ABCB1: variants seen among roughly 807,000 people sequenced by gnomAD.
ABCB1 encodes the protein ATP binding cassette subfamily B member 1.
ABCB1 carries 69 observed loss-of-function variants against 142.0 expected under a neutral mutation model. The ratio of observed to expected loss-of-function variants is 0.49; its 90% CI spans 0.40 to 0.59. ABCB1 has a LOEUF of 0.59. Ranked by LOEUF, ABCB1 falls within the 20% of genes least tolerant of loss-of-function variation. ABCB1 has a pLI of 0.00. For synonymous variants in ABCB1, 532 were observed against 539.2 expected, an observed-to-expected ratio of 0.99 and a Z score of 0.18; for missense variants, 1,326 against 1,554.7, an observed-to-expected ratio of 0.85 and a Z score of 2.47.
intron 1 of ABCB1, among the ~76,000 whole-genome samples, chr7:87,624,986 G>A (rs1820355463): frequency 6.6e-6 from 1 of 152,234 alleles, no homozygotes; most frequent in Non-Finnish European, 1.5e-5. Flanking sequence ...GCTGGGCGCG[G>A]CGGCTCACGC....
chr7:87,626,187 G>C (rs536313938), intron 1 of ABCB1, among the ~76,000 whole-genome samples: 9 of 114,854 alleles, frequency 7.8e-5, no homozygotes, highest in Non-Finnish European at 1.5e-4. Flanking sequence ...TCATATATAT[G>C]TGTCATATAT....
intron 18 of ABCB1, among the ~76,000 whole-genome samples, chr7:87,540,062 C>A (rs1286369590): frequency 6.6e-6 from 1 of 152,186 alleles, no homozygotes; most frequent in Non-Finnish European, 1.5e-5. Context: ...TGTAAGTACT[C>A]AGTAAAGAAA....
chr7:87,676,993 T>A (rs896903864), intron 1 of ABCB1, among the ~76,000 whole-genome samples: 2 of 151,998 alleles, frequency 1.3e-5, no homozygotes. Flanking sequence ...TTGGCAAGGA[T>A]GTGGAGAAAA....
At chr7:87,526,797 T>A (rs1815800985) in intron 21 of ABCB1, among the ~76,000 whole-genome samples, 1 of 152,160 alleles carries the variant, frequency 6.6e-6, no homozygotes, top group Admixed American at 6.5e-5. Flanking sequence ...ACCAAAATAC[T>A]GGCAGCTGAG....
intron 9 of ABCB1, among the ~76,000 whole-genome samples, chr7:87,551,648 A>C (rs1313685414): frequency 7.0e-6 from 1 of 142,728 alleles, no homozygotes; most frequent in Non-Finnish European, 1.6e-5. Context: ...GTGCCACCAT[A>C]TCTGGCTAAT....
rs189768807 is a variant in ABCB1, at chr7:87,613,206, A to T, written c.-330-12128T>A. 1.5e-3 allele frequency among the ~76,000 whole-genome samples: 220 copies of T among 143,242 alleles called. 1 individual carries two copies. The highest frequency in any genetic ancestry group is 2.5e-3 in the Admixed American group (36 of 14,272). The allele number at this position is 143,242 out of a possible 152,430, so 94.0% of individuals were successfully genotyped here. On this transcript the variant is annotated intron_variant, in intron 1 of 28. Coordinates refer to the ABCB1 transcript ENST00000265724. ...GGTTTTCTAGGCATAAGACCATATC[A>T]TTGATGAGATAATTTGGCTTCCTCT... is the stretch of plus-strand genomic sequence containing the variant.
intron 1 of ABCB1, among the ~76,000 whole-genome samples, chr7:87,665,556 T>C (rs1013645499): frequency 3.3e-5 from 5 of 152,132 alleles, no homozygotes; most frequent in Admixed American, 6.6e-5. Flanking sequence ...TTTTAAACTT[T>C]TATGTTCAAG....
At chr7:87,574,225 T>C (rs898319356) in intron 4 of ABCB1, among the ~76,000 whole-genome samples, 1 of 152,054 alleles carries the variant, frequency 6.6e-6, no homozygotes, top group Non-Finnish European at 1.5e-5. Flanking sequence ...AGGAACAGAA[T>C]GACATCAAAG....
intron 1 of ABCB1, among the ~76,000 whole-genome samples, chr7:87,609,720 T>TC (rs1208888022): frequency 1.3e-5 from 2 of 152,164 alleles, no homozygotes; most frequent in Non-Finnish European, 2.9e-5. Flanking sequence ...TAATGATCAT[T>TC]CTTCAGGATC....
At chr7:87,628,592 T>TGC in intron 1 of ABCB1, 2 of 96,476 alleles carry the variant, frequency 2.1e-5, no homozygotes, top group Admixed American at 1.5e-4. Flanking sequence ...TGCGTGTGTG[T>TGC]GTGTGTGTGT....
chr7:87,538,161 A>G (rs111538144), intron 19 of ABCB1, among the ~76,000 whole-genome samples: 48 of 152,356 alleles, frequency 3.2e-4, no homozygotes, highest in African/African-American at 1.1e-3. Flanking sequence ...ACAAACCATC[A>G]GCTCAGCTGC....
Position 87,544,223 on chromosome 7 carries a change from G to T in ABCB1, c.2117C>A (p.Thr706Asn), listed in dbSNP as rs773899676. ...ACCAACAACAAAATAAGGCCATTCA[G>T]TTAAATTTAGCTTCATAATCCTCCA... is the stretch of plus-strand genomic sequence containing the variant. ...SFWRIMKLNLTEWPYFVVGVF... is the reference protein window; with the variant it reads ...SFWRIMKLNLNEWPYFVVGVF... The change falls in exon 17 of 28, where the codon ACT (threonine) becomes AAT (asparagine). Residue 706 changes from threonine to asparagine, a missense_variant. Coordinates refer to ENST00000622132, the MANE Select transcript of ABCB1 (RefSeq NM_001348946.2). The T allele has an allele frequency of 5.6e-6, 9 of 1,613,726 alleles. No individual in the cohort carries two copies. Among genetic ancestry groups the T allele is most frequent in the Admixed American group, 3.3e-5 (2 of 60,014 alleles).
chr7:87,539,241 C>G (rs1584859774), intron 19 of ABCB1, 27 bp downstream of exon 19: 1 of 1,610,906 alleles, frequency 6.2e-7, no homozygotes, highest in African/African-American at 1.3e-5. Context: ...TCTACACATC[C>G]CAGGGCACAG....
chr7:87,642,403 T>C (rs558624646), intron 1 of ABCB1, among the ~76,000 whole-genome samples: 1 of 152,222 alleles, frequency 6.6e-6, no homozygotes, highest in Admixed American at 6.5e-5. Context: ...TGTTAAAGTA[T>C]TCTATTTGAA....
chr7:87,662,610 A>G (rs1585034435), intron 1 of ABCB1, among the ~76,000 whole-genome samples: 1 of 152,136 alleles, frequency 6.6e-6, no homozygotes, highest in African/African-American at 2.4e-5. Context: ...CCATTGGTCT[A>G]TGTATCTCTT....
In ABCB1 at chr7:87,519,103, T is replaced by C. The variant is rs555779862; in HGVS notation, c.2927+223A>G. ...CCACTCAGTCACAGATTTGAAAAGG[T>C]CAACTATGTGTGAGCCAGCAATGAG... is the stretch of plus-strand genomic sequence containing the variant. On this transcript the variant is annotated intron_variant, in intron 23 of 27. Coordinates refer to ENST00000622132, the MANE Select transcript of ABCB1 (RefSeq NM_001348946.2). 5.5e-4 allele frequency: 324 copies of C among 585,544 alleles called. 4 individuals carry two copies. Among genetic ancestry groups the C allele is most frequent in the East Asian group, 5.0e-3 (173 of 34,806 alleles). The allele number at this position is 585,544 out of a possible 1,614,324, so 36.3% of individuals were successfully genotyped here. A position where few individuals can be genotyped will look rare whatever the true frequency, so the allele number is the denominator to read the frequency against.
chr7:87,521,725 A>G (rs1224806902), intron 21 of ABCB1: 35 of 946,424 alleles, frequency 3.7e-5, no homozygotes, highest in Middle Eastern at 3.0e-4. Context: ...GGAACCAAAG[A>G]GAGCTGTCTC....
intron 3 of ABCB1, among the ~76,000 whole-genome samples, chr7:87,587,973 T>G (rs1818834821): frequency 1.3e-5 from 2 of 151,226 alleles, no homozygotes; most frequent in South Asian, 4.2e-4. Context: ...GACCCTCAAG[T>G]TTGGGGTGTA....
chr7:87,566,677 G>A, intron 6 of ABCB1, 108 bp downstream of exon 6: 2 of 1,141,274 alleles, frequency 1.8e-6, no homozygotes, highest in Non-Finnish European at 1.3e-6. Context: ...TGTCTCATAA[G>A]TACCTTTGAA....
Sources: gnomAD v4.1 joint callset for allele counts (sites outside exome capture counted in the v4.1 genomes callset) on GRCh38, gnomAD v4.1.1 for gene constraint, MANE v1.5 for transcripts, NCBI Gene and HGNC (gene_info 2026-07-23, HGNC 2026-07-21) for gene names.